Variants in UNC13D observed in about 807,000 individuals in gnomAD.
UNC13D encodes the protein protein unc-13 homolog D.
A neutral mutation model predicts 151.7 loss-of-function variants in UNC13D; 115 were observed. The observed-to-expected ratio is 0.76, with a 90% CI of 0.65 to 0.88. The LOEUF (loss-of-function observed/expected upper bound fraction) is 0.88, where lower values mean the gene tolerates loss of function less well. Ranked by LOEUF, UNC13D falls within the 40% of genes least tolerant of loss-of-function variation. UNC13D has a pLI of 0.00. For missense variants in UNC13D, 1,369 were observed against 1,438.7 expected (o/e 0.95, Z 0.78); for synonymous variants, 588 against 612.2 (o/e 0.96, Z 0.58).
chr17:75,843,064 C>G lies in UNC13D; in HGVS notation c.271G>C (p.Val91Leu). The G allele has an allele frequency of 1.4e-6, 2 of 1,387,814 alleles. No individual in the cohort carries two copies. The allele number at this position is 1,387,814 out of a possible 1,614,324, so 86.0% of individuals were successfully genotyped here. Residue 91 changes from valine (V) to leucine (L), a missense_variant, in exon 4 of 32, where the codon GTG (valine) becomes CTG (leucine). Physicochemically the swap from Val to Leu is conservative, Grantham distance 32. This residue lies in a region of UNC13D where 550 missense variants were observed against 609.0 expected (regional missense o/e 0.90). Transcript: ENST00000207549. ...GTCTGCTGGTGCTCCTCGGGCTCCA[C>G]GTGGAAGGCCTGGTGGGGAGGCAGG... ...LLRYLQEAFH[V>L]EPEEHQQTLQ...
chr17:75,827,626 G>T lies in UNC13D; in HGVS notation c.*339C>A. 6.5e-7 allele frequency: 1 copy of T among 1,535,358 alleles called. No homozygotes were observed. The highest frequency in any genetic ancestry group is 1.4e-5 in the African/African-American group (1 of 73,170). ...GGAACAGGAAGGCCAGGAGGCAGAT[G>T]GGCCAGGGCCAGGAGACAGATGGCC... On this transcript the variant is annotated 3_prime_UTR_variant, in exon 32 of 32. Coordinates refer to ENST00000207549, the MANE Select transcript of UNC13D (RefSeq NM_199242.3).
Position 75,830,487 on chromosome 17 carries a change from G to C in UNC13D, c.2710-5C>G, listed in dbSNP as rs771868710. On this transcript the variant is annotated splice_region_variant and splice_polypyrimidine_tract_variant and intron_variant, in intron 28 of 31. Coordinates refer to ENST00000207549, the MANE Select transcript of UNC13D (RefSeq NM_199242.3). ...CTCCTCAGAGGTGGTTTCTGCCTGG[G>C]GTGGGGAGCAGGGGCAGGGTCAGCA... The C allele has an allele frequency of 2.2e-5, 35 of 1,591,994 alleles. 1 individual carries two copies. The South Asian group carries it at 4.0e-4, about 18-fold the overall frequency.
At chr17:75,836,956 A>G (rs1418818023) in intron 12 of UNC13D, 38 bp from the exon 13 acceptor site, 1 of 1,594,668 alleles carries the variant, frequency 6.3e-7, no homozygotes, top group South Asian at 1.1e-5. Context: ...GACAGGGAGG[A>G]GGAAATTGCC....
chr17:75,827,301 A>T lies in UNC13D; in HGVS notation c.*664T>A, dbSNP rs2062130297. On this transcript the variant is annotated 3_prime_UTR_variant, in exon 32 of 32. Coordinates refer to ENST00000207549, the MANE Select transcript of UNC13D (RefSeq NM_199242.3). ...TCTAGGTGGCAGGTGCTGTCCGGGG[A>T]GGGGGCGTGCGCAGCAGACACAGCA... 1 of 601,404 alleles carries T rather than the reference A, an allele frequency of 1.7e-6. No individual in the cohort carries two copies. The highest frequency in any genetic ancestry group is 1.9e-5 in the African/African-American group (1 of 52,992). The allele number at this position is 601,404 out of a possible 1,614,324, so 37.3% of individuals were successfully genotyped here.
intron 29 of UNC13D, 83 bp from the exon 30 acceptor site, chr17:75,830,234 T>G: frequency 4.5e-6 from 7 of 1,555,854 alleles, no homozygotes; most frequent in Non-Finnish European, 6.1e-6. Flanking sequence ...TCAGCGGCAC[T>G]GACCCCTCCT....
At chr17:75,834,898 G>A in intron 21 of UNC13D, 22 bp downstream of exon 21, 1 of 1,613,774 alleles carries the variant, frequency 6.2e-7, no homozygotes, top group South Asian at 1.1e-5. Context: ...AGAGGGGGAA[G>A]GACACGTGGA....
chr17:75,843,132 G>A (rs775995459), intron 3 of UNC13D, 27 bp downstream of exon 3: 4 of 1,610,086 alleles, frequency 2.5e-6, no homozygotes, highest in Non-Finnish European at 3.4e-6. Flanking sequence ...GCTGCAGGAA[G>A]GGGGGTGGGG....
rs1418183549 is a variant in UNC13D, at chr17:75,834,365, C to A, written c.2258G>T (p.Gly753Val). 3.3e-5 allele frequency: 52 copies of A among 1,594,140 alleles called. No homozygotes were observed. Among genetic ancestry groups the A allele is most frequent in the Non-Finnish European group, 4.3e-5 (51 of 1,178,562 alleles). ...GCGGACGCCAGTGCGGATCTCATGG[C>A]CCAGCCCGGCCAGCGCGCTCTGCAG... Reference protein sequence around the residue: ...AQLQSALAGLGHEIRTGVRTL... With the variant: ...AQLQSALAGLVHEIRTGVRTL... The change falls in exon 23 of 32, where the codon GGC (glycine) becomes GTC (valine). Residue 753 changes from glycine (G) to valine (V), a missense_variant. Coordinates refer to ENST00000207549, the MANE Select transcript of UNC13D (RefSeq NM_199242.3).
In UNC13D at chr17:75,833,167, T is replaced by C. The variant is rs2064883914; in HGVS notation, c.2368-122A>G. ...ACCGTTCTGTGAGAGCAGTTTGTAG[T>C]GTCTGTAAGAGGCCGGCCTGCCCAC... On this transcript the variant is annotated intron_variant, in intron 24 of 31. Coordinates refer to ENST00000207549, the MANE Select transcript of UNC13D (RefSeq NM_199242.3). This position sits in a 1 kb window ranked among gnomAD's most constrained non-coding sequence, Gnocchi z 4.0. 1 of 988,102 alleles carries C rather than the reference T, an allele frequency of 1.0e-6. No homozygotes were observed. 61.2% of individuals were successfully genotyped at this position (988,102 alleles called of 1,614,324 possible).
In UNC13D at chr17:75,842,942, T is replaced by A; in HGVS notation, c.322-19A>T. ...TTGGCTTCTGGAGGGACAGGAGGGA[T>A]GGCCTGAGTCCCTGAGGGGGCTGGG... On this transcript the variant is annotated intron_variant, in intron 4 of 31. Coordinates refer to ENST00000207549, the MANE Select transcript of UNC13D (RefSeq NM_199242.3). The A allele has an allele frequency of 1.2e-6, 2 of 1,613,252 alleles. No homozygotes were observed. The highest frequency in any genetic ancestry group is 2.7e-5 in the African/African-American group (2 of 75,026).
chr17:75,836,825 G>T lies in UNC13D; in HGVS notation c.1149C>A (p.Ile383=). The part of the protein sequence containing the change: ...HPITSIEYQW[I]QGRLKAEQQE... ...CCTGTTCTGCCTTGAGCCGACCCTG[G>T]ATCCACTGGTACTCGATGCTGGTGA... Residue 383 remains isoleucine, a synonymous_variant, in exon 13 of 32, where the codon ATC becomes ATA. Transcript: ENST00000207549. The T allele has an allele frequency of 6.2e-7, 1 of 1,613,972 alleles. No homozygotes were observed.
Position 75,836,943 on chromosome 17 carries a change from C to G in UNC13D, c.1056-25G>C, listed in dbSNP as rs201383941. 2.9e-5 allele frequency: 46 copies of G among 1,610,088 alleles called. No individual in the cohort carries two copies. The East Asian group carries it at 1.0e-3, about 35-fold the overall frequency. On this transcript the variant is annotated intron_variant, in intron 12 of 31. Transcript: ENST00000207549. ...CCTGCAGGGGACAGGAAGCCCTCAG[C>G]TGGACAGGGAGGAGGAAATTGCCTT...
chr17:75,829,062 G>A (rs2062143265), intron 30 of UNC13D, 79 bp from the exon 31 acceptor site: 2 of 1,529,412 alleles, frequency 1.3e-6, no homozygotes, highest in Non-Finnish European at 1.8e-6. Context: ...CCCACTTGGT[G>A]TTGGGAACCA....
At chr17:75,830,197 C>T (rs1301282275) in intron 29 of UNC13D, 46 bp from the exon 30 acceptor site, 1 of 1,569,916 alleles carries the variant, frequency 6.4e-7, no homozygotes, top group Non-Finnish European at 8.6e-7. Context: ...GTCTCCCAGG[C>T]ACCCCACCCC....
intron 16 of UNC13D, 30 bp downstream of exon 16, chr17:75,836,170 C>G (rs765691397): frequency 3.1e-6 from 5 of 1,610,394 alleles, no homozygotes; most frequent in Non-Finnish European, 3.4e-6. Context: ...CCCCGTGACC[C>G]CCTGCCCTCC....
intron 16 of UNC13D, 39 bp from the exon 17 acceptor site, chr17:75,836,148 G>A: frequency 6.2e-7 from 1 of 1,612,274 alleles, no homozygotes; most frequent in Non-Finnish European, 8.5e-7. Context: ...GCTGCCAGAG[G>A]CAGGCACCAC....
rs751638167 is a variant in UNC13D at position 75,836,930 on chromosome 17, A to C, written c.1056-12T>G. 2.5e-6 allele frequency: 4 copies of C among 1,612,028 alleles called. No individual in the cohort carries two copies. In the South Asian group the frequency reaches 4.4e-5, roughly 18 times the overall value. On this transcript the variant is annotated splice_polypyrimidine_tract_variant and intron_variant, in intron 12 of 31. Coordinates refer to ENST00000207549, the MANE Select transcript of UNC13D (RefSeq NM_199242.3). The stretch of plus-strand genomic sequence containing the variant: ...AGGCCAGCCACTGCCTGCAGGGGAC[A>C]GGAAGCCCTCAGCTGGACAGGGAGG...
rs1054138754 is a variant in UNC13D at position 75,834,649 on chromosome 17, C to T, written c.2060G>A (p.Gly687Asp). ...GGCTGCCTGGCCTTGGTCCTTCTGG[C>T]CTGAAGAGAGCTCGCGGGCCCGGGC... ...IKARARELSS[G>D]QKDQGQAANM... is the part of the protein sequence containing the mutation. Residue 687 changes from glycine (G) to aspartate (D), a missense_variant, in exon 22 of 32, where the codon GGC becomes GAC. By Grantham distance (94) the Gly-to-Asp change is moderately conservative. Transcript: ENST00000207549. The T allele has an allele frequency of 6.2e-7, 1 of 1,613,808 alleles. No individual in the cohort carries two copies.
In UNC13D at chr17:75,832,690, G is replaced by C. The variant is rs1317052415; in HGVS notation, c.2447+276C>G. The stretch of plus-strand genomic sequence containing the variant: ...AGAGCTAGGCAGCAGGAAATGGGGA[G>C]GCCTGAGAAGTGGCAAGCTCCCCGT... On this transcript the variant is annotated intron_variant, in intron 25 of 31. Coordinates refer to ENST00000207549, the MANE Select transcript of UNC13D (RefSeq NM_199242.3). The surrounding 1 kb of genome is among the most constrained non-coding windows in gnomAD (Gnocchi z 4.3). 7 of 398,832 alleles carry C rather than the reference G, an allele frequency of 1.8e-5. No individual in the cohort carries two copies. The highest frequency in any genetic ancestry group is 3.4e-5 in the Non-Finnish European group (7 of 207,750). 24.7% of individuals were successfully genotyped at this position (398,832 alleles called of 1,614,324 possible).
Sources: allele counts gnomAD v4.1 joint callset, GRCh38; gene constraint gnomAD v4.1.1; regional missense constraint gnomAD v4.1.1; non-coding constraint Gnocchi (gnomAD v3.1); transcripts MANE v1.5; gene names NCBI Gene and HGNC (gene_info 2026-07-23, HGNC 2026-07-21).